Variants in SHB observed in about 807,000 individuals in gnomAD.
SHB encodes SH2 domain-containing adapter protein B.
A neutral mutation model predicts 52.3 loss-of-function variants in SHB; 20 were observed. The ratio of observed to expected loss-of-function variants is 0.38; its 90% CI spans 0.27 to 0.56. The LOEUF is 0.56. SHB is among the 20% of genes least tolerant of loss of function. The pLI, the probability that SHB is intolerant of heterozygous loss-of-function variation, is 0.71. For missense variants in SHB, 825 were observed against 723.3 expected (o/e 1.14, Z -1.61); for synonymous variants, 397 against 316.5 (o/e 1.25, Z -2.70).
chr9:37,990,573 T>C (rs534987278), intron 2 of SHB, among the ~76,000 whole-genome samples: 1 of 152,382 alleles, frequency 6.6e-6, no homozygotes, highest in South Asian at 2.1e-4. Context: ...AAGGGAACTG[T>C]ACTCATAGAC....
chr9:38,054,834 TAA>T (rs139896362), intron 1 of SHB, among the ~76,000 whole-genome samples: 25 of 150,988 alleles, frequency 1.7e-4, no homozygotes, highest in African/African-American at 5.8e-4. Flanking sequence ...ACATTTAAAA[TAA>T]AAAAAAAGTC....
chr9:38,042,076 C>T (rs1821587734), intron 1 of SHB, among the ~76,000 whole-genome samples: 2 of 150,294 alleles, frequency 1.3e-5, no homozygotes, highest in South Asian at 4.1e-4. Context: ...TCTGGCTTCG[C>T]CCAGAAGGCA....
intron 2 of SHB, among the ~76,000 whole-genome samples, chr9:37,979,610 G>A (rs1820697224): frequency 6.6e-6 from 1 of 150,624 alleles, no homozygotes; most frequent in Non-Finnish European, 1.5e-5. Flanking sequence ...CACCAACTTA[G>A]TGCCTCCCTG....
intron 5 of SHB, among the ~76,000 whole-genome samples, chr9:37,937,169 C>T (rs1832381217): frequency 6.6e-6 from 1 of 152,164 alleles, no homozygotes; most frequent in African/African-American, 2.4e-5. Context: ...CAGAGGCTGA[C>T]ATGTCTTTGT....
intron 2 of SHB, among the ~76,000 whole-genome samples, chr9:37,982,973 G>GCACC: frequency 6.9e-6 from 1 of 145,312 alleles, no homozygotes; most frequent in East Asian, 2.0e-4. Flanking sequence ...CCTCTCTGGT[G>GCACC]CCCCCCCCTC....
rs540941974 is a variant in SHB at position 37,916,596 on chromosome 9, G to A, written c.*3225C>T. On this transcript the variant is annotated 3_prime_UTR_variant, in exon 6 of 6. Transcript: ENST00000377707. Reference sequence around the variant, plus strand: ...CACTCTCAGGCCACAGAGGGGCCCCGGCCCACAGCCGCCCTGTGAGGACAG... The same window carrying A: ...CACTCTCAGGCCACAGAGGGGCCCCAGCCCACAGCCGCCCTGTGAGGACAG... 3.3e-3 allele frequency among the ~76,000 whole-genome samples: 499 copies of A among 152,312 alleles called. 2 individuals carry two copies. The highest frequency in any genetic ancestry group is 0.027 in the Middle Eastern group (8 of 294).
rs954138269 is a variant in SHB at position 38,068,041 on chromosome 9, C to A, written c.605G>T (p.Gly202Val). ...AGGGAGDPLGGACAGGRTWSP... is the reference protein window; with the variant it reads ...AGGGAGDPLGVACAGGRTWSP... ...CCAGGTGCGGCCGCCCGCGCAGGCG[C>A]CCCCCAGGGGGTCCCCGGCCCCACC... Residue 202 changes from glycine to valine, a missense_variant, in exon 1 of 6, where the codon GGC (glycine) becomes GTC (valine). Physicochemically the swap from Gly to Val is moderately radical, Grantham distance 109. Transcript: ENST00000377707. 2.7e-6 allele frequency: 4 copies of A among 1,506,168 alleles called. No individual in the cohort carries two copies. Among genetic ancestry groups the A allele is most frequent in the Admixed American group, 4.4e-5 (2 of 45,680 alleles). The allele number at this position is 1,506,168 out of a possible 1,614,324, so 93.3% of individuals were successfully genotyped here.
intron 5 of SHB, among the ~76,000 whole-genome samples, chr9:37,932,100 G>A (rs952509365): frequency 6.6e-6 from 1 of 151,832 alleles, no homozygotes; most frequent in African/African-American, 2.4e-5. Context: ...TGGTCAACAC[G>A]ATGAAACCCC....
chr9:38,041,422 C>A (rs1821574571), intron 1 of SHB, among the ~76,000 whole-genome samples: 1 of 152,086 alleles, frequency 6.6e-6, no homozygotes, highest in South Asian at 2.1e-4. Context: ...GGGTATGGGG[C>A]AAGAGGGAGA....
At chr9:38,059,672 A>G (rs1821867086) in intron 1 of SHB, among the ~76,000 whole-genome samples, 1 of 152,228 alleles carries the variant, frequency 6.6e-6, no homozygotes, top group Non-Finnish European at 1.5e-5. Context: ...AAACACGGGA[A>G]GAAGCGGAAA....
chr9:38,055,798 G>A (rs779521320), intron 1 of SHB, among the ~76,000 whole-genome samples: 56 of 152,024 alleles, frequency 3.7e-4, no homozygotes, highest in Non-Finnish European at 7.1e-4. Context: ...CACTCGCTTG[G>A]CTCAAGCCAC....
chr9:38,022,722 T>C (rs1821296770), intron 1 of SHB, among the ~76,000 whole-genome samples: 1 of 151,818 alleles, frequency 6.6e-6, no homozygotes, highest in African/African-American at 2.4e-5. Flanking sequence ...GATTTGGGGG[T>C]CTGGAGAGGG....
intron 3 of SHB, among the ~76,000 whole-genome samples, chr9:37,958,386 A>G (rs1445684864): frequency 6.6e-6 from 1 of 152,206 alleles, no homozygotes; most frequent in African/African-American, 2.4e-5. Context: ...TGTTGACCTA[A>G]GCGCTGGAAG....
At chr9:37,945,955 G>A (rs1321866469) in intron 5 of SHB, among the ~76,000 whole-genome samples, 1 of 152,190 alleles carries the variant, frequency 6.6e-6, no homozygotes, top group East Asian at 1.9e-4. Flanking sequence ...TGGACAATGG[G>A]TCCTTCCTGT....
At chr9:37,948,507 G>A in intron 5 of SHB, 128 bp downstream of exon 5, 1 of 1,109,268 alleles carries the variant, frequency 9.0e-7, no homozygotes, top group Non-Finnish European at 1.3e-6. Context: ...AAAAACCCAG[G>A]CCTAAAATAA....
At chr9:38,061,014 C>G (rs1013848459) in intron 1 of SHB, among the ~76,000 whole-genome samples, 2 of 152,176 alleles carry the variant, frequency 1.3e-5, no homozygotes, top group African/African-American at 2.4e-5. Context: ...AAGTCAGAGA[C>G]GACCACCACC....
intron 1 of SHB, among the ~76,000 whole-genome samples, chr9:38,042,287 T>C (rs946619654): frequency 2.0e-5 from 3 of 152,236 alleles, no homozygotes; most frequent in African/African-American, 4.8e-5. Context: ...TATGTACTAG[T>C]AGATCCAGAA....
At chr9:38,039,583 G>C (rs1262545457) in intron 1 of SHB, among the ~76,000 whole-genome samples, 1 of 152,264 alleles carries the variant, frequency 6.6e-6, no homozygotes, top group East Asian at 1.9e-4. Context: ...GCCATCTACA[G>C]AGCAGAGGTT....
chr9:38,000,522 C>T (rs1428131219), intron 2 of SHB, among the ~76,000 whole-genome samples: 2 of 152,200 alleles, frequency 1.3e-5, no homozygotes, highest in Admixed American at 6.5e-5. Context: ...AGCCAGGGGG[C>T]GGGGGCATTC....
Sources: allele counts gnomAD v4.1 joint callset (sites outside exome capture counted in the v4.1 genomes callset), GRCh38; gene constraint gnomAD v4.1.1; transcripts MANE v1.5; gene names NCBI Gene and HGNC (gene_info 2026-07-23, HGNC 2026-07-21).